ATAD3B: variants seen among roughly 807,000 people sequenced by gnomAD.
ATAD3B encodes the protein ATPase family AAA domain containing 3B.
ATAD3B carries 59 observed loss-of-function variants against 70.2 expected under a neutral mutation model. That is an observed-to-expected ratio of 0.84 (90% CI 0.68 to 1.04). The LOEUF is 1.04. Ranked by LOEUF, ATAD3B falls within the 50% of genes least tolerant of loss-of-function variation. ATAD3B has a pLI of 0.00. For synonymous variants in ATAD3B, 423 were observed against 388.6 expected, an observed-to-expected ratio of 1.09 and a Z score of -1.04; for missense variants, 961 against 913.4, an observed-to-expected ratio of 1.05 and a Z score of -0.67.
At chr1:1,486,262 G>A (rs746824058) in intron 10 of ATAD3B, 27 bp downstream of exon 10, 13 of 1,612,146 alleles carry the variant, frequency 8.1e-6, no homozygotes, top group Non-Finnish European at 1.1e-5. Flanking sequence ...GAACAGGTGG[G>A]CCAGGGGCCG....
chr1:1,488,392 A>AT (rs550513350), intron 12 of ATAD3B, among the ~76,000 whole-genome samples: 1 of 151,914 alleles, frequency 6.6e-6, no homozygotes, highest in Admixed American at 6.6e-5. Flanking sequence ...CGCCCGGCTA[A>AT]TTTTTTTGTA....
intron 5 of ATAD3B, among the ~76,000 whole-genome samples, chr1:1,481,711 C>G (rs1478644580): frequency 6.8e-6 from 1 of 148,110 alleles, no homozygotes; most frequent in African/African-American, 2.5e-5. Context: ...ACTCCGCGTT[C>G]TGGTTTTTTG....
chr1:1,479,583 C>T (rs1195242842), intron 4 of ATAD3B, among the ~76,000 whole-genome samples: 1 of 145,192 alleles, frequency 6.9e-6, no homozygotes, highest in Non-Finnish European at 1.5e-5. Context: ...GGCACACATA[C>T]CCCTGCACAC....
At chr1:1,473,708 G>A (rs913168434) in intron 1 of ATAD3B, among the ~76,000 whole-genome samples, 1 of 151,768 alleles carries the variant, frequency 6.6e-6, no homozygotes, top group Non-Finnish European at 1.5e-5. Context: ...CTTGGCCAGG[G>A]TGGTCTTGAC....
chr1:1,501,528 T>TA (rs1485118900), downstream of ATAD3B, among the ~76,000 whole-genome samples: 1 of 152,166 alleles, frequency 6.6e-6, no homozygotes, highest in Non-Finnish European at 1.5e-5. Flanking sequence ...GTGCTGGAAT[T>TA]ACAGGCGTGA....
rs552625814 is a variant in ATAD3B at position 1,475,233 on chromosome 1, A to G, written c.206-2041A>G. ...GGTGCACCGTGGGGAGCCCTCCATC[A>G]GGCTTTTGTTTCTGTGGATTGTGTT... is the stretch of plus-strand genomic sequence containing the variant. On this transcript the variant is annotated intron_variant, in intron 1 of 15. Transcript: ENST00000673477. Among the ~76,000 whole-genome samples the G allele has an allele frequency of 8.1e-5, 12 of 149,042 alleles. No homozygotes were observed. The East Asian group carries it at 1.7e-3, about 22-fold the overall frequency.
chr1:1,484,790 G>A, intron 7 of ATAD3B: 3 of 1,242,356 alleles, frequency 2.4e-6, no homozygotes, highest in Non-Finnish European at 3.2e-6. Flanking sequence ...GCTGCCAGTT[G>A]CAGAGAAAAT....
intron 15 of ATAD3B, among the ~76,000 whole-genome samples, chr1:1,493,665 A>C (rs1051320980): frequency 4.6e-5 from 7 of 151,776 alleles, no homozygotes; most frequent in African/African-American, 1.7e-4. Context: ...ATTTTGTCAA[A>C]TGCTTTTCCT....
chr1:1,474,973 G>A (rs575158963), intron 1 of ATAD3B, among the ~76,000 whole-genome samples: 3 of 149,254 alleles, frequency 2.0e-5, no homozygotes, highest in African/African-American at 7.6e-5. Flanking sequence ...CTTAGAGATT[G>A]AAACTTCTCC....
At chr1:1,482,655 G>T in intron 7 of ATAD3B, 41 bp downstream of exon 7, 1 of 1,612,776 alleles carries the variant, frequency 6.2e-7, no homozygotes, top group African/African-American at 1.3e-5. Flanking sequence ...GTGGCTGAGA[G>T]GCAGCATGTG....
the ATAD3B span, chr1:1,509,418 C>T: frequency 6.3e-7 from 1 of 1,597,320 alleles, no homozygotes. Context: ...CTTTGCGGCC[C>T]CGCACATTTA....
At chr1:1,477,628 AG>A (rs911133828) in intron 2 of ATAD3B, among the ~76,000 whole-genome samples, 2 of 151,782 alleles carry the variant, frequency 1.3e-5, no homozygotes, top group African/African-American at 2.4e-5. Flanking sequence ...GTCCTGAGGG[AG>A]GGGGTCTTCT....
rs763195547 is a variant in ATAD3B at position 1,477,330 on chromosome 1, G to A, written c.262G>A (p.Glu88Lys). 1.9e-6 allele frequency: 3 copies of A among 1,612,238 alleles called. No homozygotes were observed. The highest frequency in any genetic ancestry group is 2.5e-6 in the Non-Finnish European group (3 of 1,179,720). ...AQMQEQTLQL[E>K]QQSKLKEYEA... The stretch of plus-strand genomic sequence containing the variant: ...GATGCAGGAGCAGACGCTGCAGTTG[G>A]AGCAACAGTCCAAGCTCAAAGTGAG... Residue 88 changes from glutamate to lysine, a missense_variant, in exon 2 of 16, where the codon GAG becomes AAG. By Grantham distance (56) the Glu-to-Lys change is moderately conservative (BLOSUM62 1). Coordinates refer to ENST00000673477, the MANE Select transcript of ATAD3B (RefSeq NM_031921.6).
rs1217618235 is a variant in ATAD3B at position 1,489,129 on chromosome 1, C to G, written c.1267-75C>G. ...GTCCCTGCTCCCTGCAGGAGGGAGG[C>G]CTGTGGGACTTTCTGCTCTGGCTGT... On this transcript the variant is annotated intron_variant, in intron 12 of 15. Coordinates refer to ENST00000673477, the MANE Select transcript of ATAD3B (RefSeq NM_031921.6). The G allele has an allele frequency of 7.5e-6, 12 of 1,606,006 alleles. 1 individual carries two copies. The Admixed American group carries it at 1.3e-4, about 18-fold the overall frequency.
chr1:1,477,283 A>G lies in ATAD3B; in HGVS notation c.215A>G (p.Lys72Arg), dbSNP rs768259246. 3.1e-6 allele frequency: 5 copies of G among 1,612,440 alleles called. No homozygotes were observed. The highest frequency in any genetic ancestry group is 2.2e-5 in the East Asian group (1 of 44,890). ...CCACATGCGCCCGCAGGTTACGCCA[A>G]GGAGGCCCTGAATCTGGCGCAGATG... ...ARELEHSRYA[K>R]EALNLAQMQE... The change falls in exon 2 of 16, where the codon AAG becomes AGG. Residue 72 changes from lysine (K) to arginine (R), a missense_variant. Transcript: ENST00000673477.
At chr1:1,490,537 G>A in intron 14 of ATAD3B, 26 bp from the exon 15 acceptor site, 4 of 1,611,512 alleles carry the variant, frequency 2.5e-6, no homozygotes, top group Non-Finnish European at 3.4e-6. Context: ...GGCCTTGGCT[G>A]CCTCACTTGG....
downstream of ATAD3B, among the ~76,000 whole-genome samples, chr1:1,500,001 C>T (rs567244874): frequency 1.5e-3 from 219 of 150,878 alleles, 1 homozygote; most frequent in Non-Finnish European, 2.4e-3. Context: ...GGGTTCAAGC[C>T]ATTCTCTTGC....
rs563170310 is a variant in ATAD3B, at chr1:1,490,086, C to T, written c.1338-171C>T. 7.4e-4 allele frequency: 1,048 copies of T among 1,421,668 alleles called. 14 individuals are homozygous for T. Among genetic ancestry groups the T allele is most frequent in the Middle Eastern group, 1.0e-3 (4 of 3,860 alleles). 88.1% of individuals were successfully genotyped at this position (1,421,668 alleles called of 1,614,324 possible). ...GGGCAGCTGGGCGTGGTGGGGCAGG[C>T]AGGCGGGTGACCAGGGCTGTGGCTG... On this transcript the variant is annotated intron_variant, in intron 13 of 15. Transcript: ENST00000673477.
intron 7 of ATAD3B, 115 bp from the exon 8 acceptor site, chr1:1,484,890 GGGCCAGCACAC>G: frequency 1.4e-6 from 2 of 1,436,016 alleles, no homozygotes; most frequent in Non-Finnish European, 1.8e-6. Context: ...GGTTCCTGTG[GGGCCAGCACAC>G]GGCCCTGTGC....
Sources: gnomAD v4.1 joint callset for allele counts (sites outside exome capture counted in the v4.1 genomes callset) on GRCh38, gnomAD v4.1.1 for gene constraint, MANE v1.5 for transcripts, NCBI Gene and HGNC (gene_info 2026-07-23, HGNC 2026-07-21) for gene names.